Variants in TSPEAR observed in about 807,000 individuals in gnomAD.
TSPEAR encodes the protein thrombospondin type laminin G domain and EAR repeats, also known as thrombospondin-type laminin G domain and EAR repeat-containing protein.
In TSPEAR, 69 loss-of-function variants were observed where a neutral mutation model predicts 71.6. That is an observed-to-expected ratio of 0.96 (90% CI 0.79 to 1.18). The LOEUF (loss-of-function observed/expected upper bound fraction) is 1.18. Ranked by LOEUF, TSPEAR falls within the 50% of genes most tolerant of loss-of-function variation. The probability of loss-of-function intolerance (pLI) is 0.00; values close to 1 mark genes in which losing one functional copy is unlikely to be tolerated. For missense variants in TSPEAR, 971 were observed against 894.9 expected (o/e 1.09, Z -1.09); for synonymous variants, 402 against 387.2 (o/e 1.04, Z -0.45).
At chr21:44,662,159 G>T (rs1302698893) in intron 1 of TSPEAR, among the ~76,000 whole-genome samples, 1 of 152,018 alleles carries the variant, frequency 6.6e-6, no homozygotes, top group Non-Finnish European at 1.5e-5. Flanking sequence ...TAAATTAAAT[G>T]CAAATCATCT....
chr21:44,548,125 T>C (rs1447770716), intron 2 of TSPEAR, among the ~76,000 whole-genome samples: 2 of 152,166 alleles, frequency 1.3e-5, no homozygotes, highest in African/African-American at 4.8e-5. Flanking sequence ...TGAGTCTGAT[T>C]TGGTGAAATA....
At position 44,504,845 on chromosome 21, in the gene TSPEAR, ATCT is replaced by A. The variant is rs782084367; in HGVS notation, c.1788_1790del (p.Glu596del). 139 of 1,611,514 alleles carry A rather than the reference ATCT, an allele frequency of 8.6e-5. No homozygotes were observed. In the Middle Eastern group the frequency reaches 1.3e-3, roughly 15 times the overall value. ...AGGAGTTGGCCACCACCAGGAAATA[ATCT>A]TCTCCCACCGAGAAAAACTCCCAGT... is the stretch of plus-strand genomic sequence containing the variant. On this transcript the variant is annotated inframe_deletion, in exon 11 of 12. Transcript: ENST00000323084.
chr21:44,705,516 A>G (rs1465449932), intron 1 of TSPEAR, among the ~76,000 whole-genome samples: 2 of 152,260 alleles, frequency 1.3e-5, no homozygotes, highest in Non-Finnish European at 2.9e-5. Context: ...TTTTCTCAGC[A>G]TGGGATATCC....
intron 1 of TSPEAR, among the ~76,000 whole-genome samples, chr21:44,609,151 G>A (rs1981500822): frequency 6.6e-6 from 1 of 152,178 alleles, no homozygotes; most frequent in Non-Finnish European, 1.5e-5. Flanking sequence ...AACCAATGAG[G>A]AGAGAAGGTA....
chr21:44,599,134 T>TCTCTCTCTCTCTCTC (rs1980573681), intron 1 of TSPEAR, among the ~76,000 whole-genome samples: 26 of 92,334 alleles, frequency 2.8e-4, no homozygotes, highest in African/African-American at 7.6e-4. Flanking sequence ...GGCCCCCATT[T>TCTCTCTCTCTCTCTC]TCTCTCTCTC....
At chr21:44,675,527 AT>A (rs34151967) in intron 1 of TSPEAR, among the ~76,000 whole-genome samples, 88,762 of 150,708 alleles carry the variant, frequency 0.59, 26,240 homozygotes, top group African/African-American at 0.67. Context: ...ACAAGGATGC[AT>A]TTTTTTTTTT....
At chr21:44,654,624 T>C in intron 1 of TSPEAR, 1 of 1,530,682 alleles carries the variant, frequency 6.5e-7, no homozygotes, top group Non-Finnish European at 8.8e-7. Flanking sequence ...TGATGGAGTG[T>C]GGACAGGTGG....
intron 2 of TSPEAR, among the ~76,000 whole-genome samples, chr21:44,536,881 TA>T (rs1288012159): frequency 6.6e-6 from 1 of 152,154 alleles, no homozygotes; most frequent in East Asian, 1.9e-4. Context: ...AATATATATG[TA>T]AAAAATTTAT....
Position 44,642,832 on chromosome 21 carries a change from ACT to A in TSPEAR, c.82+68599_82+68600del, listed in dbSNP as rs1984092579. Among the ~76,000 whole-genome samples the A allele has an allele frequency of 1.3e-5, 2 of 151,614 alleles. No individual in the cohort carries two copies. The highest frequency in any genetic ancestry group is 4.2e-4 in the South Asian group (2 of 4,802). On this transcript the variant is annotated intron_variant, in intron 1 of 11. Transcript: ENST00000323084. The surrounding 1 kb of genome is among the most constrained non-coding windows in gnomAD (Gnocchi z 4.1). ...ACTCCAGCCTGGGCAACAGAGCGAG[ACT>A]CTATCTCAAAAAAAAAAAATTAAAA...
intron 10 of TSPEAR, 79 bp from the exon 11 acceptor site, chr21:44,504,960 A>G: frequency 8.5e-7 from 1 of 1,170,086 alleles, no homozygotes; most frequent in South Asian, 1.2e-5. Flanking sequence ...AGCTACCTCC[A>G]AAATTTATAG....
intron 1 of TSPEAR, among the ~76,000 whole-genome samples, chr21:44,704,454 G>A (rs2146334606): frequency 6.6e-6 from 1 of 152,348 alleles, no homozygotes; most frequent in Middle Eastern, 3.4e-3. Flanking sequence ...GCCCTGACCT[G>A]CCAGAGCTGT....
chr21:44,709,933 C>G (rs1378026905), intron 1 of TSPEAR, among the ~76,000 whole-genome samples: 2 of 152,210 alleles, frequency 1.3e-5, no homozygotes, highest in Non-Finnish European at 2.9e-5. Context: ...GTATTTATAA[C>G]TGGGTCATCT....
chr21:44,657,811 A>G (rs1985241185), intron 1 of TSPEAR: 1 of 655,744 alleles, frequency 1.5e-6, no homozygotes, highest in Non-Finnish European at 2.6e-6. Context: ...GGGAAAGTAC[A>G]CGCGGGAAAA....
chr21:44,555,763 C>A (rs587766116), intron 2 of TSPEAR, among the ~76,000 whole-genome samples: 2 of 152,126 alleles, frequency 1.3e-5, no homozygotes, highest in African/African-American at 4.8e-5. Flanking sequence ...TGATCAGACC[C>A]AGGACAGAGA....
At chr21:44,557,606 C>T (rs13047275) in intron 2 of TSPEAR, among the ~76,000 whole-genome samples, 135 of 152,244 alleles carry the variant, frequency 8.9e-4, no homozygotes, top group African/African-American at 3.2e-3. Flanking sequence ...GGCCTGGAGA[C>T]GCTGAGGCTG....
In TSPEAR at chr21:44,687,402, G is replaced by A. The variant is rs1330721900; in HGVS notation, c.82+24031C>T. Among the ~76,000 whole-genome samples, 1 of 152,180 alleles carries A rather than the reference G, an allele frequency of 6.6e-6. No individual in the cohort carries two copies. The highest frequency in any genetic ancestry group is 1.5e-5 in the Non-Finnish European group (1 of 68,036). ...CGGCCCATGTGCCCATTAGCTGGTG[G>A]ATGGATAAACACAGCGTGACAGAGC... On this transcript the variant is annotated intron_variant, in intron 1 of 11. Coordinates refer to ENST00000323084, the MANE Select transcript of TSPEAR (RefSeq NM_144991.3). This position sits in a 1 kb window ranked among gnomAD's most constrained non-coding sequence, Gnocchi z 4.4.
intron 1 of TSPEAR, among the ~76,000 whole-genome samples, chr21:44,569,021 C>T (rs1555922153): frequency 6.6e-6 from 1 of 152,172 alleles, no homozygotes; most frequent in African/African-American, 2.4e-5. Flanking sequence ...GGCCTTCCTC[C>T]CCCGCCTGCC....
At chr21:44,635,322 G>A (rs1338216313) in intron 1 of TSPEAR, among the ~76,000 whole-genome samples, 2 of 146,410 alleles carry the variant, frequency 1.4e-5, no homozygotes, top group East Asian at 3.9e-4. Flanking sequence ...CTCCAGCCTG[G>A]GTGACAGAGG....
intron 2 of TSPEAR, among the ~76,000 whole-genome samples, chr21:44,551,688 C>G (rs9978494): frequency 0.031 from 4,676 of 152,292 alleles, 228 homozygotes; most frequent in African/African-American, 0.11. Context: ...TGTCCTCACT[C>G]TGCTCCTAAC....
Sources: gnomAD v4.1 joint callset for allele counts (sites outside exome capture counted in the v4.1 genomes callset) on GRCh38, gnomAD v4.1.1 for gene constraint, Gnocchi (gnomAD v3.1) non-coding constraint, MANE v1.5 for transcripts, NCBI Gene and HGNC (gene_info 2026-07-23, HGNC 2026-07-21) for gene names.